ZUP1: variants seen among roughly 807,000 people sequenced by gnomAD.
ZUP1 encodes zinc finger-containing ubiquitin peptidase 1.
ZUP1 carries 55 observed loss-of-function variants against 68.1 expected under a neutral mutation model. The observed-to-expected ratio is 0.81, with a 90% CI of 0.65 to 1.01. ZUP1 has a LOEUF of 1.01. Ranked by LOEUF, ZUP1 falls within the 50% of genes least tolerant of loss-of-function variation. The pLI, the probability that ZUP1 is intolerant of heterozygous loss-of-function variation, is 0.00. For synonymous variants in ZUP1, 223 were observed against 221.5 expected (o/e 1.01, Z -0.06); for missense variants, 684 against 674.9 (o/e 1.01, Z -0.15).
At chr6:116,650,913 TACACACAC>T (rs370152468) in intron 7 of ZUP1, among the ~76,000 whole-genome samples, 3 of 149,680 alleles carry the variant, frequency 2.0e-5, no homozygotes, top group Non-Finnish European at 4.5e-5. Flanking sequence ...AAAATGAGAC[TACACACAC>T]ACACACACAC....
chr6:116,660,720 A>G lies in ZUP1; in HGVS notation c.670+16T>C. 7.1e-7 allele frequency: 1 copy of G among 1,409,184 alleles called. No homozygotes were observed. Among genetic ancestry groups the G allele is most frequent in the Non-Finnish European group, 9.9e-7 (1 of 1,011,712 alleles). The allele number at this position is 1,409,184 out of a possible 1,614,324, so 87.3% of individuals were successfully genotyped here. On this transcript the variant is annotated intron_variant, in intron 3 of 9. Coordinates refer to ENST00000368576, the MANE Select transcript of ZUP1 (RefSeq NM_145062.3). ...GAAATTAAATGATATTTTTATCTTC[A>G]AACATATAAACATACCTTGCTGAAA...
chr6:116,656,297 T>TA (rs1562407803), intron 5 of ZUP1, among the ~76,000 whole-genome samples: 2 of 151,992 alleles, frequency 1.3e-5, no homozygotes, highest in Non-Finnish European at 2.9e-5. Flanking sequence ...TTGGTTAGGC[T>TA]AGTCTCGAAC....
chr6:116,660,709 T>C, intron 3 of ZUP1, 27 bp downstream of exon 3: 1 of 1,323,610 alleles, frequency 7.6e-7, no homozygotes, highest in Non-Finnish European at 1.1e-6. Context: ...TTAAATGATA[T>C]TTTTATCTTC....
At chr6:116,658,663 ATATT>A (rs775412296) in intron 4 of ZUP1, 136 bp downstream of exon 4, 139 of 726,834 alleles carry the variant, frequency 1.9e-4, no homozygotes, top group Middle Eastern at 4.2e-4. Flanking sequence ...ACTAGAATGA[ATATT>A]TATAAATGGT....
At chr6:116,659,137 T>A (rs535935023) in intron 3 of ZUP1, among the ~76,000 whole-genome samples, 205 of 152,260 alleles carry the variant, frequency 1.3e-3, no homozygotes, top group African/African-American at 4.6e-3. Context: ...GTCACTGTTT[T>A]TTGTTTTTTG....
chr6:116,637,748 A>G (rs1775945440), intron 9 of ZUP1, among the ~76,000 whole-genome samples: 1 of 152,234 alleles, frequency 6.6e-6, no homozygotes, highest in South Asian at 2.1e-4. Context: ...CTTTATCTAG[A>G]CAAATTAATG....
intron 8 of ZUP1, among the ~76,000 whole-genome samples, chr6:116,646,826 T>C (rs760638967): frequency 4.6e-5 from 7 of 152,170 alleles, no homozygotes; most frequent in Non-Finnish European, 8.8e-5. Flanking sequence ...TCCTCCTGCT[T>C]TGGCCTCTGA....
intron 2 of ZUP1, among the ~76,000 whole-genome samples, chr6:116,664,859 T>G (rs1776951155): frequency 6.7e-6 from 1 of 149,328 alleles, no homozygotes; most frequent in Non-Finnish European, 1.5e-5. Flanking sequence ...TCACAAAATA[T>G]ACACATGTAC....
At chr6:116,663,660 G>C (rs1423653524) in intron 2 of ZUP1, among the ~76,000 whole-genome samples, 4 of 152,140 alleles carry the variant, frequency 2.6e-5, no homozygotes, top group Admixed American at 2.6e-4. Flanking sequence ...TCGTTAACAG[G>C]CCAGACGCAG....
At chr6:116,638,661 T>TA (rs1287070568) in intron 9 of ZUP1, among the ~76,000 whole-genome samples, 1 of 152,210 alleles carries the variant, frequency 6.6e-6, no homozygotes. Context: ...CACCTGACAT[T>TA]AAAAATTAAA....
In ZUP1 at chr6:116,635,844, CT is replaced by C; in HGVS notation, c.1724del (p.Glu575GlyfsTer10). On this transcript the variant is annotated frameshift_variant, in exon 10 of 10. Coordinates refer to ENST00000368576, the MANE Select transcript of ZUP1 (RefSeq NM_145062.3). LOFTEE classifies it high-confidence loss of function. The stretch of plus-strand genomic sequence containing the variant: ...AATGCTTGATTCTTCAAGGAATCTT[CT>C]CGGCTGTAAAGACTTGAGAAGCTTG... The part of the protein sequence containing the change: ...RRQASQVFTA[E>X]KIP 1 of 1,598,400 alleles carries C rather than the reference CT, an allele frequency of 6.3e-7. No individual in the cohort carries two copies. The highest frequency in any genetic ancestry group is 8.5e-7 in the Non-Finnish European group (1 of 1,175,450).
chr6:116,652,116 C>G lies in ZUP1; in HGVS notation c.1038G>C (p.Val346=). ...DVRRVWLSSV[V]DHFHSSLGDK... ...CGCCTAAAGATGAATGAAAGTGATC[C>G]ACCACTGAAGAAAGCCACACCCGTC... Residue 346 remains valine (V), a synonymous_variant, in exon 6 of 10, where the codon GTG becomes GTC. Coordinates refer to ENST00000368576, the MANE Select transcript of ZUP1 (RefSeq NM_145062.3). 1 of 1,613,972 alleles carries G rather than the reference C, an allele frequency of 6.2e-7. No homozygotes were observed. The highest frequency in any genetic ancestry group is 8.5e-7 in the Non-Finnish European group (1 of 1,179,892).
chr6:116,649,418 C>T (rs13202520), intron 7 of ZUP1, among the ~76,000 whole-genome samples: 3,159 of 151,818 alleles, frequency 0.021, 47 homozygotes, highest in Non-Finnish European at 0.033. Context: ...TGGGAATAGA[C>T]AGGAAAAGAG....
chr6:116,657,394 A>T (rs1411619975), intron 4 of ZUP1, among the ~76,000 whole-genome samples: 1 of 152,228 alleles, frequency 6.6e-6, no homozygotes, highest in East Asian at 1.9e-4. Context: ...ATTTTCTGAG[A>T]TCTAAACAAC....
chr6:116,659,286 T>G (rs950018361), intron 3 of ZUP1, among the ~76,000 whole-genome samples: 1 of 152,126 alleles, frequency 6.6e-6, no homozygotes, highest in African/African-American at 2.4e-5. Context: ...CCTGCCACCA[T>G]GCCCAGCTAA....
At chr6:116,665,538 G>C (rs920614852) in intron 2 of ZUP1, among the ~76,000 whole-genome samples, 2 of 143,890 alleles carry the variant, frequency 1.4e-5, no homozygotes. Context: ...ATCCAAAAAA[G>C]AACTTGTATC....
At chr6:116,658,653 A>C in intron 4 of ZUP1, 150 bp downstream of exon 4, 1 of 665,728 alleles carries the variant, frequency 1.5e-6, no homozygotes, top group South Asian at 2.3e-5. Context: ...CCTGTGCCTC[A>C]CTAGAATGAA....
At chr6:116,640,357 G>A (rs947554081) in intron 9 of ZUP1, among the ~76,000 whole-genome samples, 2 of 152,108 alleles carry the variant, frequency 1.3e-5, no homozygotes, top group African/African-American at 2.4e-5. Flanking sequence ...GATACTCCTC[G>A]AGAAGAGCAA....
intron 2 of ZUP1, among the ~76,000 whole-genome samples, chr6:116,662,075 T>C (rs1046596805): frequency 4.6e-5 from 7 of 152,194 alleles, no homozygotes; most frequent in Non-Finnish European, 1.0e-4. Flanking sequence ...GATGTAATCA[T>C]TGGAATAAAA....
Sources: gnomAD v4.1 joint callset for allele counts (sites outside exome capture counted in the v4.1 genomes callset) on GRCh38, gnomAD v4.1.1 for gene constraint, MANE v1.5 for transcripts, NCBI Gene and HGNC (gene_info 2026-07-23, HGNC 2026-07-21) for gene names.